UPRT: variants seen among roughly 807,000 people sequenced by gnomAD.
The protein encoded by UPRT is uracil phosphoribosyltransferase homolog.
UPRT carries 5 observed loss-of-function variants against 22.6 expected under a neutral mutation model. The observed-to-expected ratio is 0.22, with a 90% CI of 0.12 to 0.47. The LOEUF is 0.47. UPRT is among the 20% of genes least tolerant of loss of function. UPRT has a pLI of 0.99. For missense variants in UPRT, 181 were observed against 239.9 expected, an observed-to-expected ratio of 0.75 and a Z score of 1.62; for synonymous variants, 77 against 87.7, an observed-to-expected ratio of 0.88 and a Z score of 0.68.
At chrX:75,207,576 T>C (rs1210443326) in intron 4 of UPRT, among the ~76,000 whole-genome samples, 2 of 110,805 alleles carry the variant, frequency 1.8e-5, no homozygotes, top group Non-Finnish European at 3.8e-5. Flanking sequence ...CTCTGGAAGG[T>C]GATTAGAGGG....
chrX:75,286,344 T>C (rs1205488407), intron 1 of UPRT, among the ~76,000 whole-genome samples: 1 of 109,675 alleles, frequency 9.1e-6, no homozygotes, highest in Non-Finnish European at 1.9e-5. Context: ...TTACTTAATC[T>C]GGCAAACCTA....
At chrX:75,197,143 A>G (rs1183931645) in intron 4 of UPRT, among the ~76,000 whole-genome samples, 1 of 111,565 alleles carries the variant, frequency 9.0e-6, no homozygotes, top group Non-Finnish European at 1.9e-5. Flanking sequence ...GTGAAAAAGA[A>G]AAAATAATCC....
At chrX:75,179,549 TG>T (rs1490168665) in intron 4 of UPRT, among the ~76,000 whole-genome samples, 1 of 113,198 alleles carries the variant, frequency 8.8e-6, no homozygotes, top group Admixed American at 9.2e-5. Flanking sequence ...TCGATGGGAC[TG>T]GGTGCCATGG....
chrX:75,189,630 T>C (rs188322784), intron 4 of UPRT, among the ~76,000 whole-genome samples: 45 of 111,981 alleles, frequency 4.0e-4, no homozygotes, highest in Non-Finnish European at 5.8e-4. Context: ...TCTCTTTACA[T>C]GTCTCTAAGG....
chrX:75,301,647 T>C (rs2082744673), intron 6 of UPRT, among the ~76,000 whole-genome samples: 1 of 111,983 alleles, frequency 8.9e-6, no homozygotes, highest in South Asian at 3.7e-4. Context: ...TATACTATTA[T>C]GTAACTGTTA....
At chrX:75,188,724 G>A (rs2082304128) in intron 4 of UPRT, among the ~76,000 whole-genome samples, 1 of 112,604 alleles carries the variant, frequency 8.9e-6, no homozygotes, top group Non-Finnish European at 1.9e-5. Flanking sequence ...ACAATCTCCT[G>A]GTGCCCCGTT....
chrX:75,264,625 G>T (rs931814285), intron 4 of UPRT, among the ~76,000 whole-genome samples: 1 of 110,908 alleles, frequency 9.0e-6, no homozygotes, highest in African/African-American at 3.3e-5. Context: ...GTCACTGATG[G>T]GTCTTGACTC....
intron 4 of UPRT, among the ~76,000 whole-genome samples, chrX:75,243,995 G>A (rs2082496170): frequency 9.0e-6 from 1 of 111,640 alleles, no homozygotes; most frequent in Non-Finnish European, 1.9e-5. Context: ...CAGGTGAAAA[G>A]ATGCACAGGT....
chrX:75,278,479 GT>G (rs1569281106), intron 1 of UPRT, among the ~76,000 whole-genome samples: 2 of 111,454 alleles, frequency 1.8e-5, no homozygotes, highest in Non-Finnish European at 3.8e-5. Context: ...CATTTATGTC[GT>G]TTTGTTGTTG....
intron 4 of UPRT, among the ~76,000 whole-genome samples, chrX:75,254,729 A>C (rs1464103355): frequency 9.2e-6 from 1 of 108,191 alleles, no homozygotes; most frequent in African/African-American, 3.4e-5. Flanking sequence ...CATTTTCATC[A>C]GGTTATATAA....
At chrX:75,246,549 G>T (rs1196044781) in intron 4 of UPRT, among the ~76,000 whole-genome samples, 1 of 110,900 alleles carries the variant, frequency 9.0e-6, no homozygotes, top group Non-Finnish European at 1.9e-5. Context: ...ATTGTGAATA[G>T]TGCTGCAATA....
chrX:75,295,075 G>T (rs745488970), intron 2 of UPRT, among the ~76,000 whole-genome samples: 18 of 110,727 alleles, frequency 1.6e-4, no homozygotes, highest in African/African-American at 5.9e-4. Flanking sequence ...TTGTGGTAGA[G>T]ACTGGAGCTA....
chrX:75,190,881 AT>A (rs200097942), intron 4 of UPRT, among the ~76,000 whole-genome samples: 1,594 of 107,168 alleles, frequency 0.015, 19 homozygotes, highest in African/African-American at 0.025. Flanking sequence ...CCATTTGTCT[AT>A]TTTTTTTTCA....
intron 4 of UPRT, among the ~76,000 whole-genome samples, chrX:75,262,809 TTCTAAAAGACC>T (rs1188805917): frequency 3.6e-5 from 4 of 111,576 alleles, no homozygotes; most frequent in Non-Finnish European, 7.5e-5. Flanking sequence ...ATAAAGTAAG[TTCTAAAAGACC>T]TACAAAGAGA....
chrX:75,266,122 A>G (rs1486552226), intron 4 of UPRT, among the ~76,000 whole-genome samples: 1 of 111,315 alleles, frequency 9.0e-6, no homozygotes, highest in Non-Finnish European at 1.9e-5. Context: ...AAAAGAGCCC[A>G]CATTGCCAAG....
chrX:75,232,203 C>T (rs1163207198), intron 4 of UPRT, among the ~76,000 whole-genome samples: 1 of 112,367 alleles, frequency 8.9e-6, no homozygotes, highest in Non-Finnish European at 1.9e-5. Flanking sequence ...AATTGGGTCA[C>T]TCCCACCCGA....
intron 4 of UPRT, among the ~76,000 whole-genome samples, chrX:75,252,814 T>C (rs969071149): frequency 8.9e-6 from 1 of 112,164 alleles, no homozygotes; most frequent in Admixed American, 9.4e-5. Context: ...AATGATAGAC[T>C]AGATTAAGAA....
chrX:75,274,841 C>A, intron 1 of UPRT: 1 of 438,656 alleles, frequency 2.3e-6, no homozygotes, highest in Non-Finnish European at 3.6e-6. Context: ...CGCCAACCTT[C>A]TCTTTCCAAG....
intron 4 of UPRT, among the ~76,000 whole-genome samples, chrX:75,223,292 G>T (rs2082415194): frequency 9.1e-6 from 1 of 109,653 alleles, no homozygotes; most frequent in Admixed American, 9.8e-5. Context: ...TTCACATTAG[G>T]CTGGCTGTCT....
Sources: allele counts gnomAD v4.1 joint callset (sites outside exome capture counted in the v4.1 genomes callset), GRCh38; gene constraint gnomAD v4.1.1; transcripts MANE v1.5; gene names NCBI Gene and HGNC (gene_info 2026-07-23, HGNC 2026-07-21).